CDK14: variants seen among roughly 807,000 people sequenced by gnomAD.
The protein encoded by CDK14 is cyclin dependent kinase 14, also known as cyclin-dependent kinase 14.
Under a neutral mutation model 60.7 loss-of-function variants are expected in CDK14, and 34 were observed. The ratio of observed to expected loss-of-function variants is 0.56; its 90% confidence interval spans 0.43 to 0.75. CDK14 has a LOEUF of 0.75. CDK14 is among the 30% of genes least tolerant of loss of function. The pLI, the probability that CDK14 is intolerant of heterozygous loss-of-function variation, is 0.00. For synonymous variants in CDK14, 197 were observed against 203.7 expected, an observed-to-expected ratio of 0.97 and a Z score of 0.28; for missense variants, 482 against 564.1, an observed-to-expected ratio of 0.85 and a Z score of 1.47.
At chr7:90,646,929 A>G (rs1800482594) in intron 2 of CDK14, among the ~76,000 whole-genome samples, 1 of 152,188 alleles carries the variant, frequency 6.6e-6, no homozygotes, top group African/African-American at 2.4e-5. Context: ...AATACTATAT[A>G]TATTGCCAAA....
intron 2 of CDK14, among the ~76,000 whole-genome samples, chr7:90,634,128 TTTTC>T (rs1800073359): frequency 6.6e-6 from 1 of 151,970 alleles, no homozygotes; most frequent in South Asian, 2.1e-4. Context: ...TCTTTTATGA[TTTTC>T]TTTTTTTTAA....
intron 9 of CDK14, among the ~76,000 whole-genome samples, chr7:90,963,564 C>T (rs973718559): frequency 2.0e-5 from 3 of 151,530 alleles, no homozygotes; most frequent in South Asian, 2.1e-4. Flanking sequence ...ATAACAAAAA[C>T]GGAAAGGGAG....
intron 4 of CDK14, among the ~76,000 whole-genome samples, chr7:90,761,213 A>T (rs577050539): frequency 6.6e-6 from 1 of 152,312 alleles, no homozygotes; most frequent in South Asian, 2.1e-4. Flanking sequence ...GTTTATTATC[A>T]GGTTCTTTGA....
At chr7:90,704,252 T>C (rs538563623) in intron 2 of CDK14, among the ~76,000 whole-genome samples, 101 of 152,350 alleles carry the variant, frequency 6.6e-4, no homozygotes, top group African/African-American at 2.4e-3. Flanking sequence ...GAAGTTCCCT[T>C]GCTATAGCTC....
At chr7:90,976,666 A>G (rs1795082773) in intron 9 of CDK14, among the ~76,000 whole-genome samples, 1 of 152,084 alleles carries the variant, frequency 6.6e-6, no homozygotes, top group Non-Finnish European at 1.5e-5. Context: ...ACCTGTCCTC[A>G]TCGGCCCATT....
chr7:91,069,417 T>C (rs1379734596), intron 11 of CDK14, among the ~76,000 whole-genome samples: 1 of 152,104 alleles, frequency 6.6e-6, no homozygotes, highest in African/African-American at 2.4e-5. Context: ...GGTGAGTGCC[T>C]GTAGTCTCAG....
chr7:90,604,272 A>T (rs1347267482), intron 2 of CDK14, 23 bp downstream of exon 2: 2 of 1,454,876 alleles, frequency 1.4e-6, no homozygotes, highest in Non-Finnish European at 1.9e-6. Flanking sequence ...TCTTTATCTA[A>T]TGTTAGATGT....
chr7:91,000,057 A>T (rs1446529314), intron 10 of CDK14, among the ~76,000 whole-genome samples: 1 of 152,232 alleles, frequency 6.6e-6, no homozygotes, highest in Non-Finnish European at 1.5e-5. Flanking sequence ...TATTTATGAA[A>T]ATACCACAAT....
chr7:90,990,491 C>T (rs1795501374), intron 10 of CDK14, among the ~76,000 whole-genome samples: 1 of 152,118 alleles, frequency 6.6e-6, no homozygotes, highest in Admixed American at 6.5e-5. Context: ...GTACTTGTTT[C>T]CTTCAAGCTT....
At chr7:90,776,556 C>T (rs1430541090) in intron 4 of CDK14, among the ~76,000 whole-genome samples, 1 of 152,110 alleles carries the variant, frequency 6.6e-6, no homozygotes, top group Non-Finnish European at 1.5e-5. Flanking sequence ...TTCACACACA[C>T]AGGGGTCATG....
chr7:90,891,800 T>G (rs1387832948), intron 6 of CDK14, among the ~76,000 whole-genome samples: 1 of 152,214 alleles, frequency 6.6e-6, no homozygotes, highest in African/African-American at 2.4e-5. Context: ...GGCTTGACAT[T>G]GTAGGAGAAT....
intron 12 of CDK14, among the ~76,000 whole-genome samples, chr7:91,104,280 A>G (rs891435581): frequency 1.3e-5 from 2 of 152,076 alleles, no homozygotes; most frequent in African/African-American, 4.8e-5. Context: ...GCGATAGAAC[A>G]CTGAAATCTA....
At chr7:91,003,815 T>C (rs1431066352) in intron 10 of CDK14, among the ~76,000 whole-genome samples, 1 of 152,214 alleles carries the variant, frequency 6.6e-6, no homozygotes, top group African/African-American at 2.4e-5. Context: ...GAAAATTGAT[T>C]GTTTATTGGA....
At chr7:90,783,584 A>G (rs1297554556) in intron 4 of CDK14, among the ~76,000 whole-genome samples, 1 of 152,152 alleles carries the variant, frequency 6.6e-6, no homozygotes, top group Non-Finnish European at 1.5e-5. Flanking sequence ...AATCCCCCCA[A>G]ACCCCTAAAG....
intron 12 of CDK14, among the ~76,000 whole-genome samples, chr7:91,109,879 G>A (rs1180905417): frequency 1.3e-5 from 2 of 151,986 alleles, no homozygotes; most frequent in African/African-American, 4.8e-5. Context: ...ATGACATAAG[G>A]ATTAAAGACT....
intron 5 of CDK14, among the ~76,000 whole-genome samples, chr7:90,816,055 A>G (rs983587613): frequency 1.3e-5 from 2 of 152,214 alleles, no homozygotes; most frequent in Admixed American, 6.5e-5. Context: ...TGCATGTTCT[A>G]TACATGTATC....
At chr7:91,095,149 CAAT>C in intron 12 of CDK14, among the ~76,000 whole-genome samples, 1 of 152,164 alleles carries the variant, frequency 6.6e-6, no homozygotes, top group Non-Finnish European at 1.5e-5. Context: ...TACATGAAGA[CAAT>C]AAAACAGAGC....
chr7:90,832,629 A>G (rs972618703), intron 5 of CDK14, among the ~76,000 whole-genome samples: 2 of 152,200 alleles, frequency 1.3e-5, no homozygotes, highest in Admixed American at 6.5e-5. Flanking sequence ...ATCAGCATGG[A>G]AAAAATGAAC....
chr7:90,816,490 T>C (rs1584004912), intron 5 of CDK14, among the ~76,000 whole-genome samples: 1 of 152,216 alleles, frequency 6.6e-6, no homozygotes, highest in African/African-American at 2.4e-5. Context: ...CTTTTGTTAC[T>C]TTGGCATGAA....
Sources: gnomAD v4.1 joint callset for allele counts (sites outside exome capture counted in the v4.1 genomes callset) on GRCh38, gnomAD v4.1.1 for gene constraint, MANE v1.5 for transcripts, NCBI Gene and HGNC (gene_info 2026-07-23, HGNC 2026-07-21) for gene names.